ENOX1: variants seen among roughly 807,000 people sequenced by gnomAD.
ENOX1 encodes candidate growth-related and time keeping constitutive hydroquinone (NADH) oxidase.
ENOX1 carries 42 observed loss-of-function variants against 82.5 expected under a neutral mutation model. That is an observed-to-expected ratio of 0.51 (90% CI 0.40 to 0.66). The LOEUF (loss-of-function observed/expected upper bound fraction) is 0.66, where lower values mean the gene tolerates loss of function less well. ENOX1 is among the 30% of genes least tolerant of loss of function. The pLI is 0.00. For synonymous variants in ENOX1, 271 were observed against 282.2 expected (o/e 0.96, Z 0.40); for missense variants, 608 against 811.6 (o/e 0.75, Z 3.05).
chr13:43,320,002 T>C (rs967419861), intron 11 of ENOX1, among the ~76,000 whole-genome samples: 4 of 152,226 alleles, frequency 2.6e-5, no homozygotes, highest in Non-Finnish European at 5.9e-5. Context: ...GGCTATGGCC[T>C]CCATCCTCCT....
In ENOX1 at chr13:43,674,163, A is replaced by G. The variant is rs549278509; in HGVS notation, c.-284-6619T>C. On this transcript the variant is annotated intron_variant, in intron 1 of 16. Transcript: ENST00000690772. ...GAATGTCCAAGACACACATGCATTTAACTCTTCAAACATCTGCTGAGTATG... is the reference window on the plus strand; with the variant it reads ...GAATGTCCAAGACACACATGCATTTGACTCTTCAAACATCTGCTGAGTATG... Among the ~76,000 whole-genome samples, 8 of 152,352 alleles carry G rather than the reference A, an allele frequency of 5.3e-5. No individual in the cohort carries two copies. The South Asian group carries it at 8.3e-4, about 16-fold the overall frequency.
intron 2 of ENOX1, among the ~76,000 whole-genome samples, chr13:43,521,352 A>C (rs998309898): frequency 6.6e-6 from 1 of 152,140 alleles, no homozygotes; most frequent in Non-Finnish European, 1.5e-5. Context: ...CATATTGTGC[A>C]GGGTACTATA....
At chr13:43,259,864 G>A (rs1307928177) in intron 14 of ENOX1, among the ~76,000 whole-genome samples, 1 of 152,276 alleles carries the variant, frequency 6.6e-6, no homozygotes, top group African/African-American at 2.4e-5. Flanking sequence ...TCCTCTCCCA[G>A]TTCAAGATCG....
At chr13:43,458,703 T>C (rs907020567) in intron 3 of ENOX1, among the ~76,000 whole-genome samples, 5 of 152,206 alleles carry the variant, frequency 3.3e-5, no homozygotes, top group Admixed American at 1.3e-4. Flanking sequence ...TCTATTTAAC[T>C]ACAAAATTAG....
chr13:43,429,584 C>A (rs909639450), intron 3 of ENOX1, among the ~76,000 whole-genome samples: 2 of 152,114 alleles, frequency 1.3e-5, no homozygotes, highest in Non-Finnish European at 2.9e-5. Context: ...TGGGGAAAGA[C>A]TTGTGTAATG....
At chr13:43,223,606 A>G (rs1184470104) in intron 16 of ENOX1, among the ~76,000 whole-genome samples, 1 of 152,214 alleles carries the variant, frequency 6.6e-6, no homozygotes, top group East Asian at 1.9e-4. Context: ...GAAAACAGCC[A>G]TTAATACAGC....
chr13:43,605,187 A>C (rs1322573412), intron 2 of ENOX1, among the ~76,000 whole-genome samples: 11 of 152,190 alleles, frequency 7.2e-5, no homozygotes, highest in Non-Finnish European at 1.5e-4. Flanking sequence ...AAGATATTTC[A>C]TGTGCATGGG....
At chr13:43,308,832 C>T (rs1454393782) in intron 11 of ENOX1, among the ~76,000 whole-genome samples, 1 of 152,206 alleles carries the variant, frequency 6.6e-6, no homozygotes, top group East Asian at 1.9e-4. Flanking sequence ...TGCCACAGTG[C>T]CTGGTATTTG....
At chr13:43,233,682 G>A (rs146519447) in intron 15 of ENOX1, among the ~76,000 whole-genome samples, 230 of 152,146 alleles carry the variant, frequency 1.5e-3, no homozygotes, top group African/African-American at 5.2e-3. Context: ...GCCAGTGTGC[G>A]TTTCTTATAT....
At chr13:43,253,795 A>AGG (rs2043593207) in intron 14 of ENOX1, among the ~76,000 whole-genome samples, 1 of 13,134 alleles carries the variant, frequency 7.6e-5, no homozygotes, top group Non-Finnish European at 3.7e-4. Flanking sequence ...ATGAGGCACT[A>AGG]GGGTAATCTG....
At chr13:43,594,205 T>C (rs2081364276) in intron 2 of ENOX1, among the ~76,000 whole-genome samples, 1 of 152,154 alleles carries the variant, frequency 6.6e-6, no homozygotes, top group Admixed American at 6.6e-5. Context: ...ATTTGGGTGA[T>C]AGGTATAAAT....
At chr13:43,710,639 C>T (rs970066623) in intron 1 of ENOX1, among the ~76,000 whole-genome samples, 5 of 152,006 alleles carry the variant, frequency 3.3e-5, no homozygotes, top group African/African-American at 9.7e-5. Flanking sequence ...ATGTGTCTAT[C>T]AACATAGAAA....
intron 5 of ENOX1, among the ~76,000 whole-genome samples, chr13:43,366,493 G>C (rs982471154): frequency 2.0e-5 from 3 of 152,152 alleles, no homozygotes; most frequent in Non-Finnish European, 4.4e-5. Flanking sequence ...AGCCAGGATG[G>C]TCTCGATCTC....
chr13:43,475,094 C>T (rs1417182017), intron 3 of ENOX1, among the ~76,000 whole-genome samples: 1 of 152,110 alleles, frequency 6.6e-6, no homozygotes, highest in Non-Finnish European at 1.5e-5. Flanking sequence ...AATTCTACCA[C>T]ATTTACAAAT....
rs190768182 is a variant in ENOX1, at chr13:43,366,478, G to A, written c.209-5026C>T. 5.3e-5 allele frequency among the ~76,000 whole-genome samples: 8 copies of A among 152,194 alleles called. No individual in the cohort carries two copies. The East Asian group carries it at 9.7e-4, about 18-fold the overall frequency. ...TTTTTAGTAGAGACGGGGTTTCACC[G>A]TGTTAGCCAGGATGGTCTCGATCTC... On this transcript the variant is annotated intron_variant, in intron 5 of 16. Transcript: ENST00000690772.
chr13:43,261,510 C>T (rs1471952375), intron 14 of ENOX1, among the ~76,000 whole-genome samples: 2 of 152,176 alleles, frequency 1.3e-5, no homozygotes, highest in Admixed American at 1.3e-4. Context: ...AAATGCCTGA[C>T]ACACAGGCGT....
intron 3 of ENOX1, among the ~76,000 whole-genome samples, chr13:43,443,624 T>C (rs1175475297): frequency 6.6e-6 from 1 of 152,100 alleles, no homozygotes; most frequent in Non-Finnish European, 1.5e-5. Context: ...ATATAACTGA[T>C]TATAATGTAC....
intron 9 of ENOX1, among the ~76,000 whole-genome samples, chr13:43,328,262 G>T (rs1305106015): frequency 6.6e-6 from 1 of 152,200 alleles, no homozygotes; most frequent in East Asian, 1.9e-4. Flanking sequence ...TGCATGTTTT[G>T]TCTGTACACA....
chr13:43,634,684 G>T (rs1473644344), intron 2 of ENOX1, among the ~76,000 whole-genome samples: 1 of 152,086 alleles, frequency 6.6e-6, no homozygotes, highest in Non-Finnish European at 1.5e-5. Flanking sequence ...TCCTGCAAAA[G>T]GCCATCAGTC....
Sources: allele counts gnomAD v4.1 joint callset (sites outside exome capture counted in the v4.1 genomes callset), GRCh38; gene constraint gnomAD v4.1.1; transcripts MANE v1.5; gene names NCBI Gene and HGNC (gene_info 2026-07-23, HGNC 2026-07-21).